LTAP1: variants seen among roughly 807,000 people sequenced by gnomAD.
LTAP1 encodes the protein lipid transport auxiliary protein 1.
the LTAP1 span, chr1:154,212,103 C>T: frequency 2.1e-5 from 11 of 515,494 alleles, no homozygotes; most frequent in South Asian, 1.2e-4. Flanking sequence ...ATGATCCTCC[C>T]GCCTCGGCCT....
At chr1:154,207,994 G>A in the LTAP1 span, among the ~76,000 whole-genome samples, 1 of 151,954 alleles carries the variant, frequency 6.6e-6, no homozygotes, top group African/African-American at 2.4e-5. Context: ...CCAGCTACTC[G>A]GGAGGCTGAG....
chr1:154,215,304 C>T, the LTAP1 span, among the ~76,000 whole-genome samples: 4 of 152,202 alleles, frequency 2.6e-5, no homozygotes, highest in East Asian at 1.9e-4. Context: ...CTGTGGCTCA[C>T]GCCTGTAATC....
the LTAP1 span, chr1:154,220,240 C>A: frequency 1.4e-6 from 2 of 1,396,230 alleles, no homozygotes; most frequent in Non-Finnish European, 2.0e-6. Flanking sequence ...CCCGGATAGG[C>A]GCAGGTGAGT....
chr1:154,216,859 C>T, the LTAP1 span, among the ~76,000 whole-genome samples: 26 of 151,604 alleles, frequency 1.7e-4, no homozygotes, highest in African/African-American at 4.4e-4. Flanking sequence ...ATATTGCCTA[C>T]GCTGGTCTCG....
the LTAP1 span, among the ~76,000 whole-genome samples, chr1:154,209,885 T>C: frequency 2.0e-5 from 3 of 150,548 alleles, no homozygotes; most frequent in African/African-American, 7.3e-5. Context: ...CCACCACACC[T>C]GGCCTAATTT....
At chr1:154,207,487 T>C in the LTAP1 span, 14 of 1,614,178 alleles carry the variant, frequency 8.7e-6, no homozygotes, top group Non-Finnish European at 1.1e-5. Flanking sequence ...ATAGTTATCC[T>C]TAAAGCTCTT....
At chr1:154,212,468 T>A in the LTAP1 span, 1 of 1,614,150 alleles carries the variant, frequency 6.2e-7, no homozygotes, top group East Asian at 2.2e-5. Flanking sequence ...CCCTGTCCCA[T>A]AGCGGGCTGT....
At chr1:154,219,957 A>C in the LTAP1 span, 1 of 1,562,670 alleles carries the variant, frequency 6.4e-7, no homozygotes, top group Non-Finnish European at 8.7e-7. Flanking sequence ...AAGATGTAAA[A>C]ATCCTTTAAT....
At chr1:154,218,493 C>T in the LTAP1 span, among the ~76,000 whole-genome samples, 2 of 152,192 alleles carry the variant, frequency 1.3e-5, no homozygotes, top group Non-Finnish European at 2.9e-5. Flanking sequence ...GCCAGGACAT[C>T]CTCCTAGAGC....
chr1:154,216,542 G>A, the LTAP1 span, among the ~76,000 whole-genome samples: 4 of 151,282 alleles, frequency 2.6e-5, no homozygotes, highest in Non-Finnish European at 5.9e-5. Flanking sequence ...GTCTTGCTCT[G>A]TCACCCAGAC....
At chr1:154,217,160 G>T in the LTAP1 span, among the ~76,000 whole-genome samples, 1 of 150,294 alleles carries the variant, frequency 6.7e-6, no homozygotes, top group African/African-American at 2.4e-5. Context: ...TGTTGGCCAG[G>T]CTGGTCTTGA....
the LTAP1 span, among the ~76,000 whole-genome samples, chr1:154,214,202 G>A: frequency 5.3e-5 from 8 of 152,164 alleles, no homozygotes; most frequent in Non-Finnish European, 8.8e-5. Context: ...GCTTGAACAA[G>A]GGGGTGGAGG....
the LTAP1 span, among the ~76,000 whole-genome samples, chr1:154,217,290 A>G: frequency 3.3e-5 from 5 of 152,196 alleles, no homozygotes; most frequent in Admixed American, 3.3e-4. Context: ...ATTTACATAC[A>G]ATAAATGCAT....
At chr1:154,213,944 A>C in the LTAP1 span, 22 of 1,612,466 alleles carry the variant, frequency 1.4e-5, no homozygotes, top group South Asian at 2.2e-4. Context: ...TAGTTGTAGC[A>C]ACCTGTTGAG....
chr1:154,209,051 A>G, the LTAP1 span, among the ~76,000 whole-genome samples: 2 of 152,184 alleles, frequency 1.3e-5, no homozygotes, highest in Admixed American at 6.5e-5. Context: ...CCTGGCCTTC[A>G]GAAATAATTT....
chr1:154,212,120 G>T, the LTAP1 span: 1 of 602,266 alleles, frequency 1.7e-6, no homozygotes, highest in Non-Finnish European at 2.9e-6. Flanking sequence ...GCCTCCCAAA[G>T]TGCTGGGATT....
At chr1:154,218,783 G>A in the LTAP1 span, among the ~76,000 whole-genome samples, 2 of 152,132 alleles carry the variant, frequency 1.3e-5, no homozygotes, top group South Asian at 2.1e-4. Flanking sequence ...TGAAGCTTAC[G>A]GTCTAGCGGA....
chr1:154,207,520 C>A, the LTAP1 span: 1 of 1,614,030 alleles, frequency 6.2e-7, no homozygotes, highest in African/African-American at 1.3e-5. Flanking sequence ...GTGCTTGGCA[C>A]GTTTACTCTT....
chr1:154,212,636 A>G, the LTAP1 span: 1 of 1,613,488 alleles, frequency 6.2e-7, no homozygotes, highest in Non-Finnish European at 8.5e-7. Flanking sequence ...TGTGGAGAAA[A>G]CAGCACAATG....
Sources: allele counts gnomAD v4.1 joint callset (sites outside exome capture counted in the v4.1 genomes callset), GRCh38; gene constraint gnomAD v4.1.1; transcripts MANE v1.5; gene names NCBI Gene and HGNC (gene_info 2026-07-23, HGNC 2026-07-21).